AKAP8: variants seen among roughly 807,000 people sequenced by gnomAD.
AKAP8 encodes A-kinase anchoring protein 8, also known as A-kinase anchor protein 8.
A neutral mutation model predicts 67.5 loss-of-function variants in AKAP8; 24 were observed. That is an observed-to-expected ratio of 0.36 (90% confidence interval 0.26 to 0.50). The LOEUF is 0.50. Among genes scored for constraint, AKAP8 ranks in the 20% least tolerant of loss-of-function variants. The pLI is 0.97. For missense variants in AKAP8, 971 were observed against 955.9 expected (o/e 1.02, Z -0.21); for synonymous variants, 400 against 371.1 (o/e 1.08, Z -0.90).
At chr19:15,368,392 G>C (rs954408778) in intron 8 of AKAP8, 70 bp from the exon 9 acceptor site, 18 of 1,605,710 alleles carry the variant, frequency 1.1e-5, no homozygotes, top group Non-Finnish European at 1.5e-5. Flanking sequence ...GGGCCTGGTC[G>C]GGGGGCTGCA....
chr19:15,369,194 T>C lies in AKAP8; in HGVS notation c.1073-872A>G, dbSNP rs755595408. 7.1e-6 allele frequency: 7 copies of C among 985,516 alleles called. No individual in the cohort carries two copies. The highest frequency in any genetic ancestry group is 8.4e-6 in the Non-Finnish European group (7 of 829,980). 61.0% of individuals were successfully genotyped at this position (985,516 alleles called of 1,614,324 possible). ...GCCTGAAACTATGACTGCTGTTTAA[T>C]AGCAAAGTCATCCCGGGTAGGTAGC... On this transcript the variant is annotated intron_variant, in intron 8 of 13. Coordinates refer to ENST00000269701, the MANE Select transcript of AKAP8 (RefSeq NM_005858.4). The surrounding 1 kb of genome is among the most constrained non-coding windows in gnomAD (Gnocchi z 4.6).
At chr19:15,368,140 G>A in intron 9 of AKAP8, 95 bp downstream of exon 9, 1 of 1,520,338 alleles carries the variant, frequency 6.6e-7, no homozygotes, top group Non-Finnish European at 8.9e-7. Flanking sequence ...AGGCCACCAG[G>A]CCCCCAGCAT....
chr19:15,372,134 C>T lies in AKAP8; in HGVS notation c.991+84G>A, dbSNP rs770677269. On this transcript the variant is annotated intron_variant, in intron 6 of 13. Transcript: ENST00000269701. ...GAAACATGCCACCTGCGAGTGTCCA[C>T]GACACAGATGGGGCAAGCAGAGCCC... 609 of 1,608,144 alleles carry T rather than the reference C, an allele frequency of 3.8e-4. 1 individual carries two copies. The highest frequency in any genetic ancestry group is 4.4e-4 in the Non-Finnish European group (515 of 1,176,648).
At position 15,354,443 on chromosome 19, in the gene AKAP8, T is replaced by C. The variant is rs2145054907; in HGVS notation, c.*472A>G. ...GAAGTCCTGTGAAAGTCACACACCA[T>C]ATGGTGCACTACAAAGGTATAGGTT... On this transcript the variant is annotated 3_prime_UTR_variant, in exon 14 of 14. Coordinates refer to ENST00000269701, the MANE Select transcript of AKAP8 (RefSeq NM_005858.4). 6.1e-6 allele frequency: 1 copy of C among 163,738 alleles called. No individual in the cohort carries two copies. The highest frequency in any genetic ancestry group is 1.5e-4 in the South Asian group (1 of 6,480). 10.1% of individuals were successfully genotyped at this position (163,738 alleles called of 1,614,324 possible).
In AKAP8 at chr19:15,356,384, G is replaced by A. The variant is rs576105719; in HGVS notation, c.1624-1014C>T. Among the ~76,000 whole-genome samples the A allele has an allele frequency of 3.3e-5, 5 of 151,808 alleles. No individual in the cohort carries two copies. The South Asian group carries it at 1.0e-3, about 32-fold the overall frequency. On this transcript the variant is annotated intron_variant, in intron 13 of 13. Coordinates refer to ENST00000269701, the MANE Select transcript of AKAP8 (RefSeq NM_005858.4). ...CACGCCACTGAACTCCAGCCTGGCAGCCTGGGCGACAGAGTCAGACTCCAT... is the reference window on the plus strand; with the variant it reads ...CACGCCACTGAACTCCAGCCTGGCAACCTGGGCGACAGAGTCAGACTCCAT...
chr19:15,377,684 G>T (rs563875133), intron 1 of AKAP8, among the ~76,000 whole-genome samples: 64 of 152,240 alleles, frequency 4.2e-4, no homozygotes, highest in African/African-American at 1.5e-3. Flanking sequence ...TAGCCAGGAT[G>T]GTCTCGATCT....
chr19:15,359,161 T>C lies in AKAP8; in HGVS notation c.1528-99A>G, dbSNP rs1245393053. ...CCGAGTCATCCTGAGATCAGCCCTA[T>C]GCAGAGAAGCGAATCTCAAAACGCC... On this transcript the variant is annotated intron_variant, in intron 12 of 13. Transcript: ENST00000269701. 4 of 1,080,310 alleles carry C rather than the reference T, an allele frequency of 3.7e-6. No homozygotes were observed. In the African/African-American group the frequency reaches 4.8e-5, roughly 13 times the overall value. 66.9% of individuals were successfully genotyped at this position (1,080,310 alleles called of 1,614,324 possible).
chr19:15,374,763 A>G (rs1967224004), intron 2 of AKAP8, 128 bp from the exon 3 acceptor site: 3 of 1,058,180 alleles, frequency 2.8e-6, no homozygotes, highest in Non-Finnish European at 4.1e-6. Flanking sequence ...TCAGGGAGAC[A>G]CCCTTGGGTG....
chr19:15,377,441 A>T (rs572464998), intron 1 of AKAP8, among the ~76,000 whole-genome samples: 58 of 152,342 alleles, frequency 3.8e-4, no homozygotes, highest in African/African-American at 1.3e-3. Context: ...TAGTGACATA[A>T]ATTGCATCTT....
At position 15,368,227 on chromosome 19, in the gene AKAP8, C is replaced by A; in HGVS notation, c.1160+8G>T. 6.2e-7 allele frequency: 1 copy of A among 1,611,018 alleles called. No individual in the cohort carries two copies. On this transcript the variant is annotated splice_region_variant and intron_variant, in intron 9 of 13. Coordinates refer to ENST00000269701, the MANE Select transcript of AKAP8 (RefSeq NM_005858.4). The stretch of plus-strand genomic sequence containing the variant: ...CTCCTCCTGTGGGGTCGTGTGCCCG[C>A]GCCTCACCTGTCGGCTGCACGGTCC...
chr19:15,364,971 T>C (rs79773487), intron 9 of AKAP8, among the ~76,000 whole-genome samples: 9,382 of 152,248 alleles, frequency 0.062, 963 homozygotes, highest in African/African-American at 0.21. Context: ...GGCAACAGAA[T>C]GGCAGTTACC....
chr19:15,372,050 G>C (rs758046161), intron 6 of AKAP8, 52 bp from the exon 7 acceptor site: 1 of 1,612,408 alleles, frequency 6.2e-7, no homozygotes, highest in African/African-American at 1.3e-5. Flanking sequence ...GGTCCCATCC[G>C]GTTTCCGCCC....
At chr19:15,373,759 CG>C in intron 4 of AKAP8, 26 bp downstream of exon 4, 2 of 1,588,224 alleles carry the variant, frequency 1.3e-6, no homozygotes, top group Non-Finnish European at 8.5e-7. Context: ...TGTGGGGTCC[CG>C]GGGGAGGGCT....
chr19:15,379,324 C>T (rs1048744482), intron 1 of AKAP8: 6 of 228,192 alleles, frequency 2.6e-5, no homozygotes, highest in Non-Finnish European at 4.2e-5. Context: ...GCCCCCCTAG[C>T]GCCGCCATTT....
chr19:15,367,337 T>A (rs762748198), intron 9 of AKAP8, among the ~76,000 whole-genome samples: 13 of 152,048 alleles, frequency 8.5e-5, no homozygotes, highest in Non-Finnish European at 1.5e-4. Flanking sequence ...AGACCAGCCT[T>A]GCCAACACGG....
chr19:15,358,274 C>T (rs1199497800), intron 13 of AKAP8, among the ~76,000 whole-genome samples: 1 of 152,166 alleles, frequency 6.6e-6, no homozygotes, highest in East Asian at 1.9e-4. Flanking sequence ...CACTACCCCT[C>T]ACCTTCAACC....
At position 15,374,007 on chromosome 19, in the gene AKAP8, G is replaced by C; in HGVS notation, c.150C>G (p.Thr50=). Residue 50 remains threonine, a synonymous_variant, in exon 4 of 14, where the codon ACC becomes ACG. Coordinates refer to ENST00000269701, the MANE Select transcript of AKAP8 (RefSeq NM_005858.4). The stretch of plus-strand genomic sequence containing the variant: ...CCCACGAGGCTGGGCCGTAGCTGTA[G>C]GTTGCGCCTGTGGTGACACTGGTGT... The part of the protein sequence containing the change: ...AQNTSVTTGA[T]YSYGPASWEA... The C allele has an allele frequency of 6.2e-7, 1 of 1,607,154 alleles. No homozygotes were observed. The highest frequency in any genetic ancestry group is 8.5e-7 in the Non-Finnish European group (1 of 1,177,444).
In AKAP8 at chr19:15,367,431, G is replaced by A. The variant is rs139171725; in HGVS notation, c.1160+804C>T. ...TAATCCCAGCTACTCGGGAGGCTGA[G>A]GCAGGAGAACCGCTTGAACCTAGGA... On this transcript the variant is annotated intron_variant, in intron 9 of 13. Transcript: ENST00000269701. Among the ~76,000 whole-genome samples the A allele has an allele frequency of 4.0e-3, 606 of 152,294 alleles. 1 individual carries two copies. Among genetic ancestry groups the A allele is most frequent in the Middle Eastern group, 0.014 (4 of 294 alleles).
chr19:15,373,527 C>G (rs1428625230), intron 4 of AKAP8, among the ~76,000 whole-genome samples, 187 bp from the exon 5 acceptor site: 1 of 152,162 alleles, frequency 6.6e-6, no homozygotes, highest in Non-Finnish European at 1.5e-5. Flanking sequence ...GGGGACAGAG[C>G]CCCTGGCCAC....
Sources: gnomAD v4.1 joint callset for allele counts (sites outside exome capture counted in the v4.1 genomes callset) on GRCh38, gnomAD v4.1.1 for gene constraint, Gnocchi (gnomAD v3.1) non-coding constraint, MANE v1.5 for transcripts, NCBI Gene and HGNC (gene_info 2026-07-23, HGNC 2026-07-21) for gene names.